The following YAF2 variants were observed in gnomAD, a reference collection of about 807,000 sequenced individuals.
YAF2 encodes YY1-associated factor 2.
In YAF2, 7 loss-of-function variants were observed where a neutral mutation model predicts 20.1. The ratio of observed to expected loss-of-function variants is 0.35; its 90% confidence interval spans 0.20 to 0.65. The LOEUF is 0.65. Ranked by LOEUF, YAF2 falls within the 30% of genes least tolerant of loss-of-function variation. YAF2 has a pLI of 0.69. For synonymous variants in YAF2, 74 were observed against 76.0 expected (o/e 0.97, Z 0.14); for missense variants, 151 against 219.2 (o/e 0.69, Z 1.96).
chr12:42,209,765 A>G (rs966429186), intron 2 of YAF2, among the ~76,000 whole-genome samples: 2 of 152,302 alleles, frequency 1.3e-5, no homozygotes, highest in East Asian at 3.9e-4. Context: ...ATTGCTTTAG[A>G]ACAACTAAAC....
chr12:42,161,534 G>A (rs2065799280), intron 3 of YAF2, 79 bp downstream of exon 3: 6 of 1,426,914 alleles, frequency 4.2e-6, no homozygotes, highest in Non-Finnish European at 5.6e-6. Flanking sequence ...TCCACTTTGT[G>A]TATATTAGTA....
At position 42,215,742 on chromosome 12, in the gene YAF2, C is replaced by T. The variant is rs559744634; in HGVS notation, c.152+21857G>A. Among the ~76,000 whole-genome samples, 4 of 151,882 alleles carry T rather than the reference C, an allele frequency of 2.6e-5. No individual in the cohort carries two copies. In the East Asian group the frequency reaches 7.8e-4, roughly 29 times the overall value. On this transcript the variant is annotated intron_variant, in intron 2 of 3. Coordinates refer to ENST00000534854, the MANE Select transcript of YAF2 (RefSeq NM_005748.6). ...GTTCAAGACAGCCTGGCCAACATGG[C>T]GAAACCCTGTCTCTACTAAAAACAC...
intron 2 of YAF2, among the ~76,000 whole-genome samples, chr12:42,162,868 G>A (rs976407176): frequency 6.6e-6 from 1 of 152,196 alleles, no homozygotes; most frequent in African/African-American, 2.4e-5. Flanking sequence ...ATCCAGGACA[G>A]ATGTCCAATA....
intron 2 of YAF2, among the ~76,000 whole-genome samples, chr12:42,183,765 A>G (rs2066403552): frequency 6.6e-6 from 1 of 152,262 alleles, no homozygotes; most frequent in Non-Finnish European, 1.5e-5. Flanking sequence ...TGGCTACACT[A>G]AACAACAGAT....
intron 2 of YAF2, among the ~76,000 whole-genome samples, chr12:42,219,741 A>G (rs1162496388): frequency 3.3e-5 from 5 of 152,186 alleles, no homozygotes; most frequent in African/African-American, 1.2e-4. Flanking sequence ...AAAATACAGC[A>G]GTGTTTCTCA....
chr12:42,167,444 T>A (rs1291265256), intron 2 of YAF2, among the ~76,000 whole-genome samples: 1 of 152,082 alleles, frequency 6.6e-6, no homozygotes, highest in Non-Finnish European at 1.5e-5. Context: ...TTTCAAAAAA[T>A]AAATGTTCTC....
chr12:42,191,839 G>C (rs1022731694), intron 2 of YAF2, among the ~76,000 whole-genome samples: 1 of 151,980 alleles, frequency 6.6e-6, no homozygotes, highest in Admixed American at 6.6e-5. Context: ...TGTAATCCCA[G>C]CAGTTTGGGA....
chr12:42,220,543 A>G (rs1437808080), intron 2 of YAF2, among the ~76,000 whole-genome samples: 2 of 152,160 alleles, frequency 1.3e-5, no homozygotes, highest in African/African-American at 2.4e-5. Flanking sequence ...GGAACAAAAG[A>G]CAAATAGCAA....
At chr12:42,189,679 CCTT>C (rs2066563803) in intron 2 of YAF2, among the ~76,000 whole-genome samples, 1 of 151,940 alleles carries the variant, frequency 6.6e-6, no homozygotes, top group Non-Finnish European at 1.5e-5. Flanking sequence ...ATAGTATATG[CCTT>C]TTTTGCAGCA....
chr12:42,222,410 T>C (rs927463437), intron 2 of YAF2, among the ~76,000 whole-genome samples: 12 of 152,118 alleles, frequency 7.9e-5, no homozygotes, highest in Non-Finnish European at 1.8e-4. Context: ...AGTGAAAAGA[T>C]CAACCAGTAA....
intron 2 of YAF2, among the ~76,000 whole-genome samples, chr12:42,216,037 G>A (rs942683745): frequency 6.6e-6 from 1 of 151,884 alleles, no homozygotes; most frequent in Non-Finnish European, 1.5e-5. Context: ...CCAATGTTTT[G>A]GGATTTTTTG....
chr12:42,199,034 C>A, intron 2 of YAF2: 2 of 565,980 alleles, frequency 3.5e-6, no homozygotes, highest in African/African-American at 2.0e-5. Context: ...ACTATTTTAA[C>A]ATTTTTGTTG....
chr12:42,232,450 T>A, intron 2 of YAF2: 3 of 985,410 alleles, frequency 3.0e-6, no homozygotes, highest in Non-Finnish European at 3.6e-6. Context: ...TAATAATCAC[T>A]TGTAAAATTT....
intron 2 of YAF2, chr12:42,210,259 G>T: frequency 1.5e-6 from 1 of 652,274 alleles, no homozygotes; most frequent in Non-Finnish European, 2.5e-6. Flanking sequence ...GCTATCCCAA[G>T]TAACTTCCTT....
At chr12:42,210,754 A>G in intron 2 of YAF2, 1 of 1,358,696 alleles carries the variant, frequency 7.4e-7, no homozygotes. Context: ...GAAAGCATAA[A>G]TTCACTAGAT....
chr12:42,236,130 T>C (rs1195751953), intron 2 of YAF2: 3 of 1,348,234 alleles, frequency 2.2e-6, no homozygotes, highest in Non-Finnish European at 2.9e-6. Context: ...ACTTTAATGT[T>C]CCTGCCTCCA....
intron 2 of YAF2, among the ~76,000 whole-genome samples, chr12:42,166,094 A>G (rs958194649): frequency 6.6e-6 from 1 of 151,398 alleles, no homozygotes; most frequent in African/African-American, 2.4e-5. Flanking sequence ...AATTTTTTAT[A>G]TTTTTAGGGG....
chr12:42,177,472 A>G (rs2066225459), intron 2 of YAF2, among the ~76,000 whole-genome samples: 1 of 152,162 alleles, frequency 6.6e-6, no homozygotes, highest in Admixed American at 6.5e-5. Flanking sequence ...CAGTGCATGC[A>G]CAGGGAGAGA....
rs549343879 is a variant in YAF2 at position 42,194,628 on chromosome 12, A to G, written c.153-32863T>C. On this transcript the variant is annotated intron_variant, in intron 2 of 3. Transcript: ENST00000534854. ...CACTGCACAATAAATAAATAAATAAATCTAAGCCATTCTTATATATCTAAT... is the reference window on the plus strand; with the variant it reads ...CACTGCACAATAAATAAATAAATAAGTCTAAGCCATTCTTATATATCTAAT... 6.6e-5 allele frequency among the ~76,000 whole-genome samples: 10 copies of G among 152,306 alleles called. No homozygotes were observed. The East Asian group carries it at 1.9e-3, about 29-fold the overall frequency.
Sources: gnomAD v4.1 joint callset for allele counts (sites outside exome capture counted in the v4.1 genomes callset) on GRCh38, gnomAD v4.1.1 for gene constraint, MANE v1.5 for transcripts, NCBI Gene and HGNC (gene_info 2026-07-23, HGNC 2026-07-21) for gene names.